The following MTTP variants were observed in gnomAD, a reference collection of about 807,000 sequenced individuals.
The protein encoded by MTTP is microsomal triglyceride transfer protein large subunit.
MTTP carries 49 observed loss-of-function variants against 90.6 expected under a neutral mutation model. The ratio of observed to expected loss-of-function variants is 0.54; its 90% CI spans 0.43 to 0.69. The LOEUF is 0.69. Among genes scored for constraint, MTTP ranks in the 30% least tolerant of loss-of-function variants. The pLI, the probability that MTTP is intolerant of heterozygous loss-of-function variation, is 0.00. For synonymous variants in MTTP, 347 were observed against 384.2 expected (o/e 0.90, Z 1.13); for missense variants, 945 against 1,067.5 (o/e 0.89, Z 1.60).
chr4:99,590,509 A>T (rs771143078), intron 4 of MTTP, among the ~76,000 whole-genome samples: 1 of 152,216 alleles, frequency 6.6e-6, no homozygotes, highest in Non-Finnish European at 1.5e-5. Flanking sequence ...AGTTAGGTGG[A>T]TCTTCCAGTA....
In MTTP at chr4:99,565,820, A is replaced by G. The variant is rs72681991; in HGVS notation, c.-102+1583A>G. 9.4e-3 allele frequency among the ~76,000 whole-genome samples: 1,424 copies of G among 152,276 alleles called. 16 individuals carry two copies. The highest frequency in any genetic ancestry group is 0.016 in the Admixed American group (250 of 15,294). The stretch of plus-strand genomic sequence containing the variant: ...TGTCAGAAAAGTGAAGAAGTTTAAG[A>G]TATTGGGAACAGTGAAAGCAAAGAC... On this transcript the variant is annotated intron_variant, in intron 1 of 18. Coordinates refer to the MTTP transcript ENST00000457717.
At chr4:99,572,606 A>T (rs1472496199), upstream of MTTP, among the ~76,000 whole-genome samples, 2 of 152,088 alleles carry the variant, frequency 1.3e-5, no homozygotes, top group Non-Finnish European at 2.9e-5. Flanking sequence ...TTAACAAAGT[A>T]TGTAATTGTT....
chr4:99,619,166 T>C (rs1298947627), intron 16 of MTTP, 68 bp downstream of exon 16: 1 of 1,418,770 alleles, frequency 7.0e-7, no homozygotes, highest in Non-Finnish European at 9.9e-7. Context: ...TTCCGAAATA[T>C]GTTTTGGGAA....
chr4:99,612,063 T>C (rs1391926855), intron 14 of MTTP, among the ~76,000 whole-genome samples: 1 of 152,198 alleles, frequency 6.6e-6, no homozygotes, highest in Non-Finnish European at 1.5e-5. Context: ...ACATGTACTT[T>C]CTTTTTAGTT....
At chr4:99,612,778 T>A (rs1171699674) in intron 14 of MTTP, 135 bp from the exon 15 acceptor site, 1 of 771,074 alleles carries the variant, frequency 1.3e-6, no homozygotes, top group Non-Finnish European at 2.2e-6. Context: ...TCTGTTTTAG[T>A]TTTTGTTTTT....
At chr4:99,605,646 T>C (rs1405886643) in intron 10 of MTTP, among the ~76,000 whole-genome samples, 1 of 152,202 alleles carries the variant, frequency 6.6e-6, no homozygotes, top group Non-Finnish European at 1.5e-5. Flanking sequence ...ATAGGAATTG[T>C]ACCATTTTAG....
rs1026589538 is a variant in MTTP at position 99,583,382 on chromosome 4, T to C, written c.258T>C (p.Asp86=). The C allele has an allele frequency of 3.1e-6, 5 of 1,613,008 alleles. No individual in the cohort carries two copies. In the African/African-American group the frequency reaches 5.3e-5, roughly 17 times the overall value. The change falls in exon 3 of 18, where the codon GAT becomes GAC. Residue 86 remains aspartate (D), a synonymous_variant. Coordinates refer to ENST00000265517, the MANE Select transcript of MTTP (RefSeq NM_001386140.1). ...DDQLIQITMK[D]VNVENVNQQR... is the part of the protein sequence containing the mutation. ...TCTTTCTGTTACTCCAGATGAAGGA[T>C]GTAAATGTTGAAAATGTGAATCAGC...
intron 10 of MTTP, 90 bp from the exon 11 acceptor site, chr4:99,606,658 T>G: frequency 7.7e-7 from 1 of 1,302,810 alleles, no homozygotes; most frequent in Non-Finnish European, 1.1e-6. Flanking sequence ...AACTGTAGGT[T>G]GCTTTCTTGG....
chr4:99,618,319 C>T (rs1001273818), intron 15 of MTTP, among the ~76,000 whole-genome samples: 5 of 152,170 alleles, frequency 3.3e-5, no homozygotes, highest in African/African-American at 1.2e-4. Context: ...AAACACACTC[C>T]ACTGGGAGTT....
chr4:99,583,287 G>A (rs982063373), intron 2 of MTTP, 87 bp from the exon 3 acceptor site: 5 of 1,463,098 alleles, frequency 3.4e-6, no homozygotes, highest in Non-Finnish European at 4.7e-6. Flanking sequence ...AACTCTTTCT[G>A]TTTCTTTATC....
At chr4:99,571,379 C>G (rs923581987), upstream of MTTP, among the ~76,000 whole-genome samples, 2 of 151,680 alleles carry the variant, frequency 1.3e-5, no homozygotes, top group Non-Finnish European at 3.0e-5. Context: ...AAATTAAAAT[C>G]TTATTGTATT....
intron 8 of MTTP, among the ~76,000 whole-genome samples, chr4:99,599,996 G>A (rs1178680750): frequency 2.0e-5 from 3 of 151,896 alleles, no homozygotes; most frequent in Non-Finnish European, 1.5e-5. Context: ...TTCCTGTAGG[G>A]GTTCCATTCT....
At position 99,594,895 on chromosome 4, in the gene MTTP, C is replaced by A. The variant is rs368607708; in HGVS notation, c.909+12C>A. ...AAGGATGTCCTTCTGTAAGTGCAGACAAATATGGGAATAATCATGACATCA... is the reference window on the plus strand; with the variant it reads ...AAGGATGTCCTTCTGTAAGTGCAGAAAAATATGGGAATAATCATGACATCA... On this transcript the variant is annotated intron_variant, in intron 7 of 17. Transcript: ENST00000265517. The A allele has an allele frequency of 1.1e-5, 17 of 1,613,114 alleles. No homozygotes were observed. The African/African-American group carries it at 2.1e-4, about 20-fold the overall frequency.
chr4:99,587,458 C>A (rs1216811174), intron 3 of MTTP, among the ~76,000 whole-genome samples: 1 of 152,142 alleles, frequency 6.6e-6, no homozygotes, highest in Non-Finnish European at 1.5e-5. Flanking sequence ...CTAAGGGATC[C>A]AGAGGTCAAG....
intron 10 of MTTP, among the ~76,000 whole-genome samples, chr4:99,603,772 C>G (rs1380207164): frequency 6.6e-6 from 1 of 152,032 alleles, no homozygotes. Flanking sequence ...TCCACATTCA[C>G]CTGCAGCTCA....
chr4:99,611,276 C>G, intron 13 of MTTP, 36 bp downstream of exon 13: 2 of 1,613,908 alleles, frequency 1.2e-6, no homozygotes, highest in East Asian at 4.5e-5. Context: ...CTTCCATACC[C>G]CACAACTTAG....
Position 99,619,024 on chromosome 4 carries a change from T to C in MTTP, c.2268T>C (p.Gly756=), listed in dbSNP as rs1232877424. 4.3e-6 allele frequency: 7 copies of C among 1,613,562 alleles called. No individual in the cohort carries two copies. Among genetic ancestry groups the C allele is most frequent in the Non-Finnish European group, 5.9e-6 (7 of 1,179,660 alleles). ...GLKANIEVQG[G]LAIDISGAME... is the part of the protein sequence containing the mutation. ...AAGCCAATATAGAGGTCCAGGGTGGTCTAGCTATTGATATTTCAGGTGCAA... is the reference window on the plus strand; with the variant it reads ...AAGCCAATATAGAGGTCCAGGGTGGCCTAGCTATTGATATTTCAGGTGCAA... Residue 756 remains glycine (G), a synonymous_variant, in exon 16 of 18, where the codon GGT becomes GGC. Transcript: ENST00000265517.
chr4:99,601,642 C>T lies in MTTP; in HGVS notation c.1272C>T (p.Ile424=), dbSNP rs760231366. 2.5e-6 allele frequency: 4 copies of T among 1,612,940 alleles called. No individual in the cohort carries two copies. Among genetic ancestry groups the T allele is most frequent in the Non-Finnish European group, 3.4e-6 (4 of 1,179,162 alleles). The change falls in exon 10 of 18, where the codon ATC becomes ATT. Residue 424 remains isoleucine (I), a synonymous_variant. Coordinates refer to ENST00000265517, the MANE Select transcript of MTTP (RefSeq NM_001386140.1). ...AAGGTTCTATTGGTAGCAGTGACATCAGAGAAACTGTTATGATCATCACTG... is the reference window on the plus strand; with the variant it reads ...AAGGTTCTATTGGTAGCAGTGACATTAGAGAAACTGTTATGATCATCACTG... ...KFKGSIGSSD[I]RETVMIITGT...
intron 15 of MTTP, 86 bp downstream of exon 15, chr4:99,613,226 A>C: frequency 8.0e-7 from 1 of 1,255,498 alleles, no homozygotes; most frequent in East Asian, 2.5e-5. Flanking sequence ...GGAGGATACA[A>C]GACAAAATTG....
Sources: gnomAD v4.1 joint callset for allele counts (sites outside exome capture counted in the v4.1 genomes callset) on GRCh38, gnomAD v4.1.1 for gene constraint, MANE v1.5 for transcripts, NCBI Gene and HGNC (gene_info 2026-07-23, HGNC 2026-07-21) for gene names.